COL4A2: variants seen among roughly 807,000 people sequenced by gnomAD.
COL4A2 encodes the protein collagen type IV alpha 2 chain, also known as collagen alpha-2(IV) chain.
Under a neutral mutation model 200.2 loss-of-function variants are expected in COL4A2, and 99 were observed. The ratio of observed to expected loss-of-function variants is 0.49; its 90% CI spans 0.42 to 0.58. The LOEUF (loss-of-function observed/expected upper bound fraction) is 0.58. COL4A2 is among the 20% of genes least tolerant of loss of function. The probability of loss-of-function intolerance (pLI) is 0.00; values close to 1 mark genes in which losing one functional copy is unlikely to be tolerated. For synonymous variants in COL4A2, 897 were observed against 900.6 expected, an observed-to-expected ratio of 1.00 and a Z score of 0.07; for missense variants, 1,950 against 2,314.1, an observed-to-expected ratio of 0.84 and a Z score of 3.23.
In COL4A2 at chr13:110,446,868, T is replaced by C; in HGVS notation, c.1078+4T>C. On this transcript the variant is annotated splice_donor_region_variant and intron_variant, in intron 18 of 47. Transcript: ENST00000360467. ...CCTCACCCTTCCCTAGCAAAAGGTG[T>C]GTGAACAATTTCACCTGCATAGTTC... is the stretch of plus-strand genomic sequence containing the variant. 6.2e-7 allele frequency: 1 copy of C among 1,610,832 alleles called. No individual in the cohort carries two copies. Among genetic ancestry groups the C allele is most frequent in the Non-Finnish European group, 8.5e-7 (1 of 1,177,258 alleles).
rs888751837 is a variant in COL4A2 at position 110,434,493 on chromosome 13, A to G, written c.726+51A>G. 14 of 1,567,310 alleles carry G rather than the reference A, an allele frequency of 8.9e-6. No individual in the cohort carries two copies. The African/African-American group carries it at 1.6e-4, about 18-fold the overall frequency. ...CAGAGGCATGCAGCATTTCTCAGCCAGGAAATAAATCATTTTAATTACTAA... is the reference window on the plus strand; with the variant it reads ...CAGAGGCATGCAGCATTTCTCAGCCGGGAAATAAATCATTTTAATTACTAA... On this transcript the variant is annotated intron_variant, in intron 12 of 47. Transcript: ENST00000360467.
chr13:110,309,127 G>A (rs1884902809), intron 3 of COL4A2, among the ~76,000 whole-genome samples: 1 of 152,194 alleles, frequency 6.6e-6, no homozygotes, highest in Non-Finnish European at 1.5e-5. Flanking sequence ...GAATTCTGTT[G>A]TTTTTACATC....
intron 4 of COL4A2, among the ~76,000 whole-genome samples, chr13:110,370,797 C>T (rs984773247): frequency 5.3e-5 from 8 of 152,206 alleles, no homozygotes; most frequent in Non-Finnish European, 1.2e-4. Flanking sequence ...CAGACATAGA[C>T]AGTCCATGAA....
intron 4 of COL4A2, among the ~76,000 whole-genome samples, chr13:110,365,271 A>T (rs1566495117): frequency 2.0e-5 from 3 of 152,012 alleles, no homozygotes; most frequent in African/African-American, 7.2e-5. Flanking sequence ...CCTCCCGAGT[A>T]GCTGGGATTA....
intron 34 of COL4A2, 152 bp from the exon 35 acceptor site, chr13:110,489,293 A>T: frequency 1.4e-6 from 1 of 704,020 alleles, no homozygotes; most frequent in East Asian, 2.6e-5. Context: ...CCTATGATAC[A>T]CACTAAAAAA....
In COL4A2 at chr13:110,512,618, C is replaced by T. The variant is rs777505007; in HGVS notation, c.*427C>T. ...TCGAGGGGCTCAGGGCCTCAGGCAC[C>T]CGTCCCCACACGAGGGCCCCGTGGG... On this transcript the variant is annotated 3_prime_UTR_variant, in exon 48 of 48. Coordinates refer to ENST00000360467, the MANE Select transcript of COL4A2 (RefSeq NM_001846.4). 3.9e-5 allele frequency: 7 copies of T among 180,520 alleles called. No individual in the cohort carries two copies. The highest frequency in any genetic ancestry group is 6.9e-5 in the Non-Finnish European group (6 of 87,094). 11.2% of individuals were successfully genotyped at this position (180,520 alleles called of 1,614,324 possible).
intron 16 of COL4A2, among the ~76,000 whole-genome samples, chr13:110,445,491 CAAAG>C (rs1230112932): frequency 1.3e-5 from 2 of 152,150 alleles, no homozygotes; most frequent in Non-Finnish European, 2.9e-5. Flanking sequence ...CAGCCCACCA[CAAAG>C]AACATCTGCA....
chr13:110,510,292 C>T (rs901342029), intron 47 of COL4A2, among the ~76,000 whole-genome samples: 2 of 152,248 alleles, frequency 1.3e-5, no homozygotes, highest in African/African-American at 2.4e-5. Context: ...GGCAGAGCCC[C>T]GGATGCAGAC....
intron 31 of COL4A2, among the ~76,000 whole-genome samples, chr13:110,481,558 T>C (rs71445072): frequency 8.4e-4 from 88 of 104,726 alleles, no homozygotes; most frequent in Middle Eastern, 4.2e-3. Context: ...TGCTCTGTCC[T>C]TCCATTGCTG....
At chr13:110,454,481 C>T (rs1419642845) in intron 20 of COL4A2, among the ~76,000 whole-genome samples, 1 of 152,176 alleles carries the variant, frequency 6.6e-6, no homozygotes, top group Non-Finnish European at 1.5e-5. Flanking sequence ...CTACCTGCGA[C>T]ACTGCACGTC....
intron 4 of COL4A2, among the ~76,000 whole-genome samples, chr13:110,393,553 G>A (rs540430188): frequency 1.3e-5 from 2 of 151,654 alleles, no homozygotes; most frequent in African/African-American, 4.8e-5. Context: ...GAAATTCTAG[G>A]CCATTTTAAG....
intron 21 of COL4A2, chr13:110,458,247 C>A: frequency 2.4e-6 from 1 of 408,628 alleles, no homozygotes; most frequent in Non-Finnish European, 5.0e-6. Context: ...CCCCTGCCGC[C>A]AGCATGGTGC....
intron 27 of COL4A2, among the ~76,000 whole-genome samples, chr13:110,467,365 C>T (rs901627054): frequency 1.3e-5 from 2 of 152,252 alleles, no homozygotes; most frequent in African/African-American, 4.8e-5. Context: ...CCCCCAGGGG[C>T]AGAGATGGAA....
At chr13:110,321,381 G>T (rs189204982) in intron 3 of COL4A2, among the ~76,000 whole-genome samples, 1 of 152,128 alleles carries the variant, frequency 6.6e-6, no homozygotes, top group Admixed American at 6.5e-5. Flanking sequence ...CAGTTCAGTG[G>T]CATTAAACAT....
rs1272213977 is a variant in COL4A2 at position 110,501,732 on chromosome 13, C to T, written c.3825C>T (p.Asn1275=). The T allele has an allele frequency of 6.2e-7, 1 of 1,613,778 alleles. No homozygotes were observed. Among genetic ancestry groups the T allele is most frequent in the East Asian group, 2.2e-5 (1 of 44,884 alleles). The change falls in exon 41 of 48, where the codon AAC becomes AAT. Residue 1275 remains asparagine (N), a synonymous_variant. Transcript: ENST00000360467. ...QGFPGITPPS[N]ISGAPGDKGA... is the part of the protein sequence containing the mutation. ...TCCCTGGTATCACACCCCCTTCCAA[C>T]ATCTCTGGGGCACCTGGTGACAAAG...
chr13:110,365,040 A>G (rs922000616), intron 4 of COL4A2, among the ~76,000 whole-genome samples: 8 of 152,212 alleles, frequency 5.3e-5, no homozygotes, highest in Non-Finnish European at 1.2e-4. Context: ...TATTTGTTGA[A>G]TGAATACATA....
At chr13:110,402,756 C>T (rs1455364670) in intron 4 of COL4A2, among the ~76,000 whole-genome samples, 1 of 152,268 alleles carries the variant, frequency 6.6e-6, no homozygotes, top group Admixed American at 6.5e-5. Context: ...TGTGGGGCCT[C>T]TGTTGTTGGC....
At chr13:110,312,516 C>T (rs543695224) in intron 3 of COL4A2, among the ~76,000 whole-genome samples, 7 of 152,292 alleles carry the variant, frequency 4.6e-5, no homozygotes, top group African/African-American at 1.7e-4. Context: ...AACTGAGTGC[C>T]ATGGAGATTT....
chr13:110,496,318 T>A (rs1332944003), intron 40 of COL4A2, among the ~76,000 whole-genome samples: 1 of 152,208 alleles, frequency 6.6e-6, no homozygotes, highest in Non-Finnish European at 1.5e-5. Flanking sequence ...TCTCGAGGCT[T>A]GCAGATCACA....
Sources: gnomAD v4.1 joint callset for allele counts (sites outside exome capture counted in the v4.1 genomes callset) on GRCh38, gnomAD v4.1.1 for gene constraint, MANE v1.5 for transcripts, NCBI Gene and HGNC (gene_info 2026-07-23, HGNC 2026-07-21) for gene names.